SIL1: variants seen among roughly 807,000 people sequenced by gnomAD.
SIL1 encodes the protein nucleotide exchange factor SIL1.
In SIL1, 40 loss-of-function variants were observed where a neutral mutation model predicts 49.1. That is an observed-to-expected ratio of 0.81 (90% CI 0.63 to 1.06). SIL1 has a LOEUF of 1.06. SIL1 is among the 50% of genes least tolerant of loss of function. The probability of loss-of-function intolerance (pLI) is 0.00; values close to 1 mark genes in which losing one functional copy is unlikely to be tolerated. For synonymous variants in SIL1, 253 were observed against 250.8 expected (o/e 1.01, Z -0.08); for missense variants, 500 against 572.6 (o/e 0.87, Z 1.29).
chr5:139,168,385 T>TC (rs1040164894), intron 1 of SIL1, among the ~76,000 whole-genome samples: 2 of 152,206 alleles, frequency 1.3e-5, no homozygotes, highest in African/African-American at 2.4e-5. Flanking sequence ...CAGCTACGTT[T>TC]CCCCCAACTT....
At chr5:139,050,064 C>T (rs2150453181) in intron 4 of SIL1, among the ~76,000 whole-genome samples, 1 of 152,312 alleles carries the variant, frequency 6.6e-6, no homozygotes, top group East Asian at 1.9e-4. Flanking sequence ...TATTTATGGA[C>T]ATTTAAATCT....
chr5:139,046,084 T>C (rs192585840), intron 4 of SIL1, among the ~76,000 whole-genome samples: 7 of 152,230 alleles, frequency 4.6e-5, no homozygotes, highest in Admixed American at 1.3e-4. Flanking sequence ...ATTCCGGCAC[T>C]TTGGGAGGCC....
intron 4 of SIL1, among the ~76,000 whole-genome samples, chr5:139,046,099 C>T (rs1342483978): frequency 1.3e-5 from 2 of 152,192 alleles, no homozygotes; most frequent in African/African-American, 4.8e-5. Flanking sequence ...GAGGCCGAGG[C>T]GGGCAGATCA....
chr5:139,022,391 C>A (rs994816374), intron 6 of SIL1: 8 of 152,166 alleles, frequency 5.3e-5, no homozygotes, highest in Non-Finnish European at 1.2e-4. Context: ...TTTGTGGTGG[C>A]CTAGCCTGTT....
chr5:138,956,742 T>TAA (rs57796613), intron 7 of SIL1, among the ~76,000 whole-genome samples: 2,893 of 133,978 alleles, frequency 0.022, 102 homozygotes, highest in African/African-American at 0.069. Flanking sequence ...GACTCTATCT[T>TAA]AAAAAAAAAA....
At chr5:139,095,180 G>A (rs897450214) in intron 3 of SIL1, among the ~76,000 whole-genome samples, 1 of 151,914 alleles carries the variant, frequency 6.6e-6, no homozygotes, top group Non-Finnish European at 1.5e-5. Context: ...CTTTAGAAAT[G>A]AGTCAGTAAG....
chr5:138,951,367 G>A (rs1161691961), intron 8 of SIL1, 32 bp from the exon 9 acceptor site: 2 of 1,550,104 alleles, frequency 1.3e-6, no homozygotes, highest in South Asian at 1.2e-5. Context: ...TAGGTGAGGG[G>A]CCAAGCGAGC....
intron 3 of SIL1, among the ~76,000 whole-genome samples, chr5:139,064,861 C>A (rs1405081827): frequency 1.3e-5 from 2 of 152,196 alleles, no homozygotes; most frequent in African/African-American, 4.8e-5. Flanking sequence ...AGAGTACCCA[C>A]TTCACAGGGC....
At chr5:139,073,466 A>G (rs1769878991) in intron 3 of SIL1, among the ~76,000 whole-genome samples, 1 of 152,214 alleles carries the variant, frequency 6.6e-6, no homozygotes, top group African/African-American at 2.4e-5. Flanking sequence ...TCTCCCTTAC[A>G]TGTGGAATCT....
chr5:139,104,274 CAATGGGTCGAGCATGGGTGTCCCT>C (rs959862583), intron 3 of SIL1, among the ~76,000 whole-genome samples: 1 of 152,170 alleles, frequency 6.6e-6, no homozygotes, highest in Non-Finnish European at 1.5e-5. Context: ...ACCACGCCAA[CAATGGGTCGAGCATGGGTGTCCCT>C]GGCTAGCCAG....
chr5:139,033,706 TA>T (rs1193967433), intron 5 of SIL1, among the ~76,000 whole-genome samples: 1 of 152,134 alleles, frequency 6.6e-6, no homozygotes, highest in African/African-American at 2.4e-5. Flanking sequence ...TCAGTTCTTT[TA>T]AAACTGTTGA....
At chr5:139,141,744 A>AGT (rs1751084755) in intron 1 of SIL1, among the ~76,000 whole-genome samples, 2 of 152,254 alleles carry the variant, frequency 1.3e-5, no homozygotes, top group African/African-American at 4.8e-5. Flanking sequence ...TTTGGAAAGA[A>AGT]GTGTGTGTGG....
intron 7 of SIL1, among the ~76,000 whole-genome samples, chr5:139,005,442 TA>T (rs1454550914): frequency 3.3e-5 from 5 of 150,688 alleles, no homozygotes; most frequent in Non-Finnish European, 5.9e-5. Flanking sequence ...TTTATTTATT[TA>T]TTTTTTCTTC....
intron 1 of SIL1, among the ~76,000 whole-genome samples, chr5:139,170,322 C>A (rs1250086765): frequency 6.6e-6 from 1 of 152,028 alleles, no homozygotes; most frequent in Non-Finnish European, 1.5e-5. Flanking sequence ...CTCTGCTTGG[C>A]CGCCCATCGT....
At chr5:139,059,430 T>C (rs1445450863) in intron 3 of SIL1, among the ~76,000 whole-genome samples, 1 of 152,220 alleles carries the variant, frequency 6.6e-6, no homozygotes, top group African/African-American at 2.4e-5. Context: ...CTTTATAAAT[T>C]ACCCAGTCTC....
intron 2 of SIL1, among the ~76,000 whole-genome samples, chr5:139,124,517 T>C (rs981015627): frequency 6.6e-6 from 1 of 152,202 alleles, no homozygotes; most frequent in African/African-American, 2.4e-5. Context: ...CCCCTATCTA[T>C]GCTTACCCTG....
chr5:139,060,558 A>C (rs1769563315), intron 3 of SIL1, among the ~76,000 whole-genome samples: 1 of 151,856 alleles, frequency 6.6e-6, no homozygotes, highest in Non-Finnish European at 1.5e-5. Flanking sequence ...CTGGTCCATA[A>C]AACACCATAG....
At chr5:138,987,357 C>T (rs1345508580) in intron 7 of SIL1, among the ~76,000 whole-genome samples, 1 of 151,920 alleles carries the variant, frequency 6.6e-6, no homozygotes, top group Non-Finnish European at 1.5e-5. Flanking sequence ...AATTGATCTA[C>T]CCACTCGGCC....
At chr5:139,069,298 T>A (rs1470485079) in intron 3 of SIL1, among the ~76,000 whole-genome samples, 4 of 148,882 alleles carry the variant, frequency 2.7e-5, no homozygotes, top group African/African-American at 5.0e-5. Context: ...TAAAAAAAAA[T>A]TAAATAAAAA....
Sources: gnomAD v4.1 joint callset for allele counts (sites outside exome capture counted in the v4.1 genomes callset) on GRCh38, gnomAD v4.1.1 for gene constraint, MANE v1.5 for transcripts, NCBI Gene and HGNC (gene_info 2026-07-23, HGNC 2026-07-21) for gene names.